TCF12: variants seen among roughly 807,000 people sequenced by gnomAD.
TCF12 encodes DNA-binding protein HTF4.
Under a neutral mutation model 86.0 loss-of-function variants are expected in TCF12, and 45 were observed. The ratio of observed to expected loss-of-function variants is 0.52; its 90% CI spans 0.41 to 0.67. The LOEUF is 0.67. TCF12 is among the 30% of genes least tolerant of loss of function. The pLI, the probability that TCF12 is intolerant of heterozygous loss-of-function variation, is 0.00. For synonymous variants in TCF12, 330 were observed against 299.6 expected, an observed-to-expected ratio of 1.10 and a Z score of -1.05; for missense variants, 881 against 859.9, an observed-to-expected ratio of 1.02 and a Z score of -0.31.
intron 3 of TCF12, among the ~76,000 whole-genome samples, chr15:56,924,302 T>C (rs2059913189): frequency 2.0e-5 from 3 of 152,226 alleles, no homozygotes. Flanking sequence ...ACAGGAATTC[T>C]TGGTGTTGGC....
chr15:57,282,370 CA>C, intron 19 of TCF12, 74 bp from the exon 20 acceptor site: 1 of 1,563,188 alleles, frequency 6.4e-7, no homozygotes. Context: ...CACAAAACAA[CA>C]GCAATTTGTT....
intron 13 of TCF12, chr15:57,248,118 A>G (rs2059945200): frequency 1.4e-6 from 1 of 702,316 alleles, no homozygotes. Context: ...AGAGTCTTTT[A>G]AAAATTATTT....
intron 3 of TCF12, among the ~76,000 whole-genome samples, chr15:56,987,525 G>A (rs1007697261): frequency 6.6e-6 from 1 of 152,178 alleles, no homozygotes. Flanking sequence ...AAAACAGGGA[G>A]AGGAGAAAAT....
chr15:57,147,829 G>A (rs1178482883), intron 5 of TCF12, among the ~76,000 whole-genome samples: 1 of 151,220 alleles, frequency 6.6e-6, no homozygotes, highest in Non-Finnish European at 1.5e-5. Context: ...AGTTATAATG[G>A]TTTTACCAAA....
At chr15:57,052,400 G>A (rs1567324722) in intron 3 of TCF12, among the ~76,000 whole-genome samples, 1 of 152,018 alleles carries the variant, frequency 6.6e-6, no homozygotes, top group Non-Finnish European at 1.5e-5. Context: ...CACTTTGGGA[G>A]GCAGAGGCAG....
chr15:57,070,772 A>G (rs887950558), intron 4 of TCF12, among the ~76,000 whole-genome samples: 2 of 152,212 alleles, frequency 1.3e-5, no homozygotes, highest in African/African-American at 2.4e-5. Flanking sequence ...CTAATGTGCT[A>G]TCTATACAAA....
intron 3 of TCF12, among the ~76,000 whole-genome samples, chr15:56,926,829 C>G (rs2060036884): frequency 6.6e-6 from 1 of 152,112 alleles, no homozygotes; most frequent in African/African-American, 2.4e-5. Context: ...AGTCGTTATC[C>G]TTATAAGGTT....
intron 8 of TCF12, among the ~76,000 whole-genome samples, chr15:57,223,239 C>T (rs2058684432): frequency 6.6e-6 from 1 of 151,932 alleles, no homozygotes; most frequent in Admixed American, 6.6e-5. Flanking sequence ...ATCTGTCCCC[C>T]AAAAGCACAT....
chr15:57,127,681 T>A (rs969431187), intron 5 of TCF12, among the ~76,000 whole-genome samples: 4 of 152,174 alleles, frequency 2.6e-5, no homozygotes, highest in Non-Finnish European at 1.5e-5. Flanking sequence ...ATAATTCAAA[T>A]TAGTCACTCC....
rs143039050 is a variant in TCF12 at position 57,210,077 on chromosome 15, C to T, written c.579+12252C>T. On this transcript the variant is annotated intron_variant, in intron 8 of 20. Transcript: ENST00000333725. The stretch of plus-strand genomic sequence containing the variant: ...TCCTGATGTATTTTTCTCTACAGTA[C>T]TTCATACAATCTGATATGGCCTAAT... 3.5e-3 allele frequency among the ~76,000 whole-genome samples: 528 copies of T among 152,222 alleles called. 4 individuals are homozygous for T. The highest frequency in any genetic ancestry group is 0.012 in the African/African-American group (488 of 41,538).
Position 56,931,419 on chromosome 15 carries a change from C to T in TCF12, c.148+10321C>T, listed in dbSNP as rs188216025. 3.9e-3 allele frequency among the ~76,000 whole-genome samples: 588 copies of T among 152,112 alleles called. 6 individuals are homozygous for T. The highest frequency in any genetic ancestry group is 0.014 in the African/African-American group (561 of 41,476). On this transcript the variant is annotated intron_variant, in intron 3 of 20. Transcript: ENST00000333725. ...GTGTAGAATTCTTTTCATTTGGTCC[C>T]CATTTTGTATATATAAGAAGCATTA...
At chr15:57,004,469 C>T (rs767262307) in intron 3 of TCF12, among the ~76,000 whole-genome samples, 5 of 151,998 alleles carry the variant, frequency 3.3e-5, no homozygotes, top group East Asian at 1.9e-4. Context: ...AGTGCAGTGG[C>T]GCGATCTCAA....
At chr15:57,283,510 C>T (rs1474932957) in intron 20 of TCF12, among the ~76,000 whole-genome samples, 3 of 152,206 alleles carry the variant, frequency 2.0e-5, no homozygotes, top group African/African-American at 7.2e-5. Context: ...GGTGATCCAC[C>T]CGCCTCAGCC....
chr15:56,969,527 A>G (rs1483431234), intron 3 of TCF12, among the ~76,000 whole-genome samples: 1 of 131,826 alleles, frequency 7.6e-6, no homozygotes, highest in Non-Finnish European at 1.6e-5. Context: ...TTAGACATCC[A>G]GTTGGAGATT....
At chr15:57,278,488 T>C (rs1164922532) in intron 19 of TCF12, 1 of 152,216 alleles carries the variant, frequency 6.6e-6, no homozygotes, top group Non-Finnish European at 1.5e-5. Flanking sequence ...AAGTAGCTAT[T>C]AACTATAGGA....
intron 3 of TCF12, among the ~76,000 whole-genome samples, chr15:56,950,956 A>C (rs1010009721): frequency 6.6e-6 from 1 of 151,450 alleles, no homozygotes; most frequent in Non-Finnish European, 1.5e-5. Flanking sequence ...GGGTTTCTCT[A>C]TGTTGGTCAG....
intron 3 of TCF12, among the ~76,000 whole-genome samples, chr15:57,010,620 T>C (rs1328981027): frequency 6.6e-6 from 1 of 152,202 alleles, no homozygotes; most frequent in Non-Finnish European, 1.5e-5. Flanking sequence ...GAAGCTTTTT[T>C]CCTGCTCCTT....
intron 3 of TCF12, among the ~76,000 whole-genome samples, chr15:56,999,437 A>G (rs1221856255): frequency 2.0e-5 from 3 of 152,224 alleles, no homozygotes; most frequent in Non-Finnish European, 4.4e-5. Flanking sequence ...CAAACTCCAC[A>G]GGAATTTTAA....
At chr15:57,174,722 G>C (rs2055782360) in intron 6 of TCF12, among the ~76,000 whole-genome samples, 1 of 152,154 alleles carries the variant, frequency 6.6e-6, no homozygotes, top group Non-Finnish European at 1.5e-5. Flanking sequence ...TTGTATTTCT[G>C]TACACTATCA....
Sources: allele counts gnomAD v4.1 joint callset (sites outside exome capture counted in the v4.1 genomes callset), GRCh38; gene constraint gnomAD v4.1.1; transcripts MANE v1.5; gene names NCBI Gene and HGNC (gene_info 2026-07-23, HGNC 2026-07-21).